The following OSCP1 variants were observed in gnomAD, a reference collection of about 807,000 sequenced individuals.
OSCP1 encodes the protein protein OSCP1.
In OSCP1, 35 loss-of-function variants were observed where a neutral mutation model predicts 45.1. The ratio of observed to expected loss-of-function variants is 0.78; its 90% CI spans 0.59 to 1.03. The LOEUF (loss-of-function observed/expected upper bound fraction) is 1.03, where lower values mean the gene tolerates loss of function less well. Among genes scored for constraint, OSCP1 ranks in the 50% least tolerant of loss-of-function variants. The probability of loss-of-function intolerance (pLI) is 0.00; values close to 1 mark genes in which losing one functional copy is unlikely to be tolerated. For synonymous variants in OSCP1, 179 were observed against 180.1 expected (o/e 0.99, Z 0.05); for missense variants, 400 against 470.7 (o/e 0.85, Z 1.39).
intron 4 of OSCP1, among the ~76,000 whole-genome samples, chr1:36,425,733 G>GAA (rs757643959): frequency 0.042 from 4,798 of 114,996 alleles, 275 homozygotes; most frequent in African/African-American, 0.14. Flanking sequence ...ACTCTATCTG[G>GAA]AAAAAAAAAA....
At chr1:36,437,070 G>A (rs534887337) in intron 2 of OSCP1, among the ~76,000 whole-genome samples, 3 of 152,220 alleles carry the variant, frequency 2.0e-5, no homozygotes, top group Middle Eastern at 6.8e-3. Context: ...TTGACCATCC[G>A]GTTGGGGTAG....
intron 4 of OSCP1, among the ~76,000 whole-genome samples, chr1:36,424,464 T>G (rs553520062): frequency 3.3e-5 from 5 of 152,182 alleles, no homozygotes; most frequent in Non-Finnish European, 7.3e-5. Context: ...TGTAAGAACC[T>G]CATATGGCCA....
In OSCP1 at chr1:36,422,791, T is replaced by G; in HGVS notation, c.726A>C (p.Arg242=). ...KEGSFELYGD[R]VLKLGTNMYS... ...ACATGTTAGTTCCCAGTTTCAGGACTCGGTCTCCATAAAGTTCAAAAGAAC... is the reference window on the plus strand; with the variant it reads ...ACATGTTAGTTCCCAGTTTCAGGACGCGGTCTCCATAAAGTTCAAAAGAAC... Residue 242 remains arginine, a synonymous_variant, in exon 6 of 10, where the codon CGA becomes CGC. Transcript: ENST00000235532. 6 of 1,595,076 alleles carry G rather than the reference T, an allele frequency of 3.8e-6. No individual in the cohort carries two copies. Among genetic ancestry groups the G allele is most frequent in the Non-Finnish European group, 4.3e-6 (5 of 1,168,870 alleles).
In OSCP1 at chr1:36,438,909, A is replaced by G; in HGVS notation, c.114T>C (p.Val38=). 1.2e-6 allele frequency: 2 copies of G among 1,613,708 alleles called. No homozygotes were observed. The highest frequency in any genetic ancestry group is 1.7e-6 in the Non-Finnish European group (2 of 1,179,822). Residue 38 remains valine (V), a splice_region_variant and synonymous_variant, in exon 2 of 10, where the codon GTT becomes GTC. Coordinates refer to ENST00000235532, the MANE Select transcript of OSCP1 (RefSeq NM_145047.5). ...QNIPGDKARK[V]LNDIISTMFN... is the part of the protein sequence containing the mutation. ...ACATGGTGGAGATGATGTCATTCAG[A>G]ACTGCAGAGACAAGAGAGAACACAG...
chr1:36,436,460 T>TG, intron 2 of OSCP1, among the ~76,000 whole-genome samples: 1 of 152,016 alleles, frequency 6.6e-6, no homozygotes, highest in Non-Finnish European at 1.5e-5. Flanking sequence ...AGGCTGGTCT[T>TG]GAACTCCTGG....
At chr1:36,440,138 T>G (rs2124805473) in intron 1 of OSCP1, among the ~76,000 whole-genome samples, 1 of 152,376 alleles carries the variant, frequency 6.6e-6, no homozygotes, top group African/African-American at 2.4e-5. Context: ...CTTCTTTTGC[T>G]GAACACAAAG....
Position 36,447,658 on chromosome 1 carries a change from G to A in OSCP1, c.112+2600C>T, listed in dbSNP as rs988979438. On this transcript the variant is annotated intron_variant, in intron 1 of 9. Transcript: ENST00000235532. This position sits in a 1 kb window ranked among gnomAD's most constrained non-coding sequence, Gnocchi z 4.1. ...CTTAGTTTCTCCATCTGTAAAATGGGGATAGTAATATTACCTATGTGTTAC... is the reference window on the plus strand; with the variant it reads ...CTTAGTTTCTCCATCTGTAAAATGGAGATAGTAATATTACCTATGTGTTAC... Among the ~76,000 whole-genome samples the A allele has an allele frequency of 5.9e-5, 9 of 152,188 alleles. No individual in the cohort carries two copies. Among genetic ancestry groups the A allele is most frequent in the African/African-American group, 2.2e-4 (9 of 41,442 alleles).
chr1:36,432,523 G>A lies in OSCP1; in HGVS notation c.334C>T (p.Leu112=). ...VLLCPRPKDV[L]LVTFNHLDTI... Reference sequence around the variant, plus strand: ...TCCAAGTGATTGAAAGTGACCAGCAGCACATCCTTGGGTCGGGGACACAGC... The same window carrying A: ...TCCAAGTGATTGAAAGTGACCAGCAACACATCCTTGGGTCGGGGACACAGC... Residue 112 remains leucine (L), a synonymous_variant, in exon 3 of 10, where the codon CTG becomes TTG. Coordinates refer to ENST00000235532, the MANE Select transcript of OSCP1 (RefSeq NM_145047.5). 2 of 1,614,152 alleles carry A rather than the reference G, an allele frequency of 1.2e-6. No individual in the cohort carries two copies. Among genetic ancestry groups the A allele is most frequent in the Non-Finnish European group, 1.7e-6 (2 of 1,180,006 alleles).
chr1:36,423,152 T>C (rs1174070308), intron 5 of OSCP1, among the ~76,000 whole-genome samples: 1 of 152,214 alleles, frequency 6.6e-6, no homozygotes, highest in African/African-American at 2.4e-5. Context: ...ATGAGGAAAT[T>C]AGTCCTGGGG....
In OSCP1 at chr1:36,438,759, ATCCATGCT is replaced by A; in HGVS notation, c.256_263del (p.Ser86Ter). 6.2e-7 allele frequency: 1 copy of A among 1,604,482 alleles called. No homozygotes were observed. Among genetic ancestry groups the A allele is most frequent in the Non-Finnish European group, 8.5e-7 (1 of 1,176,218 alleles). ...ACAAAGGCAGCTGTCTGCTCACCTT[ATCCATGCT>A]GGCCTGGTTCAGTTTCATAATGGAG... On this transcript the variant is annotated frameshift_variant, in exon 2 of 10. Transcript: ENST00000235532. LOFTEE classifies it high-confidence loss of function.
intron 2 of OSCP1, among the ~76,000 whole-genome samples, chr1:36,432,886 C>T (rs1028540645): frequency 2.6e-5 from 4 of 152,130 alleles, no homozygotes; most frequent in Non-Finnish European, 4.4e-5. Context: ...TTGGCAGCAG[C>T]GGAGTCCCAA....
intron 8 of OSCP1, among the ~76,000 whole-genome samples, chr1:36,420,049 C>T (rs1035948915): frequency 6.7e-6 from 1 of 150,306 alleles, no homozygotes; most frequent in Admixed American, 6.6e-5. Context: ...AGTCTTGGCT[C>T]ACTGCAACCT....
In OSCP1 at chr1:36,447,001, C is replaced by G. The variant is rs1043723279; in HGVS notation, c.112+3257G>C. On this transcript the variant is annotated intron_variant, in intron 1 of 9. Transcript: ENST00000235532. The surrounding 1 kb of genome is among the most constrained non-coding windows in gnomAD (Gnocchi z 4.1). ...ACTAGAGGCTGCGTTGTGGGGGAAG[C>G]TGCAACATCTGCCTTGGCCTTGTGG... Among the ~76,000 whole-genome samples, 6 of 152,206 alleles carry G rather than the reference C, an allele frequency of 3.9e-5. No homozygotes were observed. Among genetic ancestry groups the G allele is most frequent in the African/African-American group, 1.4e-4 (6 of 41,446 alleles).
chr1:36,422,699 C>T, intron 6 of OSCP1, 69 bp downstream of exon 6: 1 of 1,248,226 alleles, frequency 8.0e-7, no homozygotes, highest in Non-Finnish European at 1.1e-6. Flanking sequence ...CTGGCTGTTT[C>T]TCTTTTTTTT....
rs563646023 is a variant in OSCP1 at position 36,438,999 on chromosome 1, C to T, written c.113-89G>A. On this transcript the variant is annotated intron_variant, in intron 1 of 9. Coordinates refer to ENST00000235532, the MANE Select transcript of OSCP1 (RefSeq NM_145047.5). ...TTTGTGTGCAGGTACAGGAGCTGAG[C>T]GTGTACAGTACAGAATTGGGATGCT... 3.9e-5 allele frequency: 55 copies of T among 1,427,326 alleles called. No individual in the cohort carries two copies. The South Asian group carries it at 4.6e-4, about 12-fold the overall frequency. The allele number at this position is 1,427,326 out of a possible 1,614,324, so 88.4% of individuals were successfully genotyped here.
rs12563008 is a variant in OSCP1 at position 36,432,648 on chromosome 1, C to A, written c.268-59G>T. ...TCATATCAAAATCAGGTGTGAGAAT[C>A]TCCAAACAGTGATTCAGTCAAGCAT... On this transcript the variant is annotated intron_variant, in intron 2 of 9. Coordinates refer to ENST00000235532, the MANE Select transcript of OSCP1 (RefSeq NM_145047.5). 0.014 allele frequency: 22,761 copies of A among 1,600,726 alleles called. 2,019 individuals carry two copies. The East Asian group carries it at 0.26, about 18-fold the overall frequency.
chr1:36,443,610 G>A (rs550515296), intron 1 of OSCP1, among the ~76,000 whole-genome samples: 2 of 152,258 alleles, frequency 1.3e-5, no homozygotes, highest in South Asian at 4.1e-4. Context: ...AATGGCTCAG[G>A]GAGGGTCACT....
At chr1:36,436,712 A>C (rs1648773009) in intron 2 of OSCP1, among the ~76,000 whole-genome samples, 1 of 152,166 alleles carries the variant, frequency 6.6e-6, no homozygotes, top group Non-Finnish European at 1.5e-5. Context: ...TTTTACATTA[A>C]CTAAAGACCA....
At chr1:36,441,645 G>T (rs937758253) in intron 1 of OSCP1, among the ~76,000 whole-genome samples, 2 of 150,970 alleles carry the variant, frequency 1.3e-5, no homozygotes, top group East Asian at 3.9e-4. Context: ...CCAGCTACCG[G>T]GAGGCTGAGG....
Sources: allele counts gnomAD v4.1 joint callset (sites outside exome capture counted in the v4.1 genomes callset), GRCh38; gene constraint gnomAD v4.1.1; non-coding constraint Gnocchi (gnomAD v3.1); transcripts MANE v1.5; gene names NCBI Gene and HGNC (gene_info 2026-07-23, HGNC 2026-07-21).